The following SPATA1 variants were observed in gnomAD, a reference collection of about 807,000 sequenced individuals.
The protein encoded by SPATA1 is spermatogenesis-associated protein 1.
A neutral mutation model predicts 59.6 loss-of-function variants in SPATA1; 57 were observed. The observed-to-expected ratio is 0.96, with a 90% CI of 0.77 to 1.19. The LOEUF (loss-of-function observed/expected upper bound fraction) is 1.19. Among genes scored for constraint, SPATA1 ranks in the 50% most tolerant of loss-of-function variants. SPATA1 has a pLI of 0.00. For missense variants in SPATA1, 448 were observed against 480.7 expected (o/e 0.93, Z 0.64); for synonymous variants, 147 against 163.9 (o/e 0.90, Z 0.79).
At chr1:84,525,251 G>C (rs1683169887) in intron 4 of SPATA1, among the ~76,000 whole-genome samples, 1 of 152,214 alleles carries the variant, frequency 6.6e-6, no homozygotes, top group Non-Finnish European at 1.5e-5. Context: ...ACAGGCGTGA[G>C]TCACCACGCC....
At chr1:84,522,006 T>G (rs1004382614) in intron 3 of SPATA1, among the ~76,000 whole-genome samples, 10 of 152,332 alleles carry the variant, frequency 6.6e-5, no homozygotes, top group Admixed American at 2.6e-4. Flanking sequence ...CACTAGCTAC[T>G]CCTGCCAAAC....
chr1:84,548,977 G>T lies in SPATA1; in HGVS notation c.1125+13G>T. On this transcript the variant is annotated intron_variant, in intron 11 of 12. Transcript: ENST00000490879. Reference sequence around the variant, plus strand: ...CACAGACTCCAAGGTATTACTAAATGTATCCCCCTTCCGTTAGAGAAGTTC... The same window carrying T: ...CACAGACTCCAAGGTATTACTAAATTTATCCCCCTTCCGTTAGAGAAGTTC... 6.5e-7 allele frequency: 1 copy of T among 1,542,734 alleles called. No homozygotes were observed. Among genetic ancestry groups the T allele is most frequent in the African/African-American group, 1.4e-5 (1 of 70,958 alleles).
downstream of SPATA1, among the ~76,000 whole-genome samples, chr1:84,556,636 C>CA (rs1684438445): frequency 6.8e-6 from 1 of 146,420 alleles, no homozygotes; most frequent in Non-Finnish European, 1.5e-5. Flanking sequence ...TGCTTGAACC[C>CA]AGGAGACGGA....
chr1:84,548,993 A>G, intron 11 of SPATA1, 29 bp downstream of exon 11: 1 of 1,513,360 alleles, frequency 6.6e-7, no homozygotes. Context: ...CCCTTCCGTT[A>G]GAGAAGTTCT....
At chr1:84,545,603 C>T in intron 9 of SPATA1, 31 bp from the exon 10 acceptor site, 1 of 1,483,240 alleles carries the variant, frequency 6.7e-7, no homozygotes, top group African/African-American at 1.5e-5. Flanking sequence ...AGCTTTGAGA[C>T]ATTGATGAAT....
chr1:84,565,839 AC>A, intron 4 of SPATA1, 21 bp from the exon 14 acceptor site: 1 of 1,497,566 alleles, frequency 6.7e-7, no homozygotes, highest in South Asian at 1.4e-5. Context: ...TTAGAGTCTT[AC>A]CAGTTAATGT....
exon 13 of SPATA1, chr1:84,554,290 A>T (rs1684361635): frequency 6.6e-6 from 1 of 152,224 alleles, no homozygotes; most frequent in Admixed American, 6.5e-5. Flanking sequence ...TAAAAATTTT[A>T]CAAATGAGCC....
intron 8 of SPATA1, among the ~76,000 whole-genome samples, chr1:84,538,444 A>G (rs932743360): frequency 1.3e-5 from 2 of 152,192 alleles, no homozygotes; most frequent in Non-Finnish European, 2.9e-5. Flanking sequence ...AACAGGAAAT[A>G]CCAAATAATC....
exon 13 of SPATA1, chr1:84,553,628 T>A (rs1178957906): frequency 2.0e-5 from 3 of 152,342 alleles, no homozygotes; most frequent in Non-Finnish European, 2.9e-5. Context: ...TTAAATTTTT[T>A]AATTCATTTA....
chr1:84,530,175 T>C (rs1683413580), intron 6 of SPATA1, among the ~76,000 whole-genome samples: 1 of 152,116 alleles, frequency 6.6e-6, no homozygotes, highest in Non-Finnish European at 1.5e-5. Context: ...CCACCGCGCC[T>C]GGCCGAGCCT....
intron 12 of SPATA1, chr1:84,552,424 G>A (rs1684302240): frequency 6.6e-6 from 1 of 152,074 alleles, no homozygotes; most frequent in Non-Finnish European, 1.5e-5. Context: ...GTACCAGGTG[G>A]TTTGAATTTG....
In SPATA1 at chr1:84,525,759, G is replaced by A. The variant is rs967025253; in HGVS notation, c.315+10G>A. 4 of 1,605,220 alleles carry A rather than the reference G, an allele frequency of 2.5e-6. No homozygotes were observed. The highest frequency in any genetic ancestry group is 3.4e-6 in the Non-Finnish European group (4 of 1,177,922). On this transcript the variant is annotated intron_variant, in intron 5 of 12. Transcript: ENST00000490879. ...ATTTGCTCCTCCATATGTATGTAAT[G>A]TGACATTTTAAACTTATGCTAATTT...
At chr1:84,535,958 G>C (rs565521016) in intron 8 of SPATA1, among the ~76,000 whole-genome samples, 4 of 152,256 alleles carry the variant, frequency 2.6e-5, no homozygotes, top group Admixed American at 2.0e-4. Flanking sequence ...ACCAGACCTA[G>C]AACCTGCTCC....
downstream of SPATA1, chr1:84,554,899 A>T: frequency 1.1e-6 from 1 of 872,804 alleles, no homozygotes; most frequent in Non-Finnish European, 1.8e-6. Flanking sequence ...TTTTTAGTAT[A>T]CGGATAACAA....
At chr1:84,512,553 A>G (rs953153712) in intron 1 of SPATA1, among the ~76,000 whole-genome samples, 3 of 152,262 alleles carry the variant, frequency 2.0e-5, no homozygotes, top group Non-Finnish European at 4.4e-5. Flanking sequence ...CCTTATTTCT[A>G]GACACAGAAT....
At chr1:84,550,442 T>A in exon 12 of SPATA1, 1 of 1,535,348 alleles carries the variant, frequency 6.5e-7, no homozygotes, top group Non-Finnish European at 8.8e-7. Context: ...AATTACCTAA[T>A]AATCCAGATC....
chr1:84,532,495 CAA>C (rs113004820), intron 6 of SPATA1, among the ~76,000 whole-genome samples: 2 of 146,000 alleles, frequency 1.4e-5, no homozygotes, highest in African/African-American at 5.0e-5. Context: ...GTCTCTATCT[CAA>C]AAAAAAAAAA....
At position 84,564,401 on chromosome 1, in the gene SPATA1, C is replaced by A. The variant is rs918110005; in HGVS notation, n.443-1460C>A. ...TGCAAAACATGTTTTTCCACCAAGA[C>A]ATATTCACAGATTACCTAGAATGTT... On this transcript the variant is annotated intron_variant and non_coding_transcript_variant, in intron 4 of 4. Transcript: ENST00000460286. 1.1e-4 allele frequency among the ~76,000 whole-genome samples: 16 copies of A among 152,288 alleles called. No individual in the cohort carries two copies. In the Middle Eastern group the frequency reaches 0.01, roughly 97 times the overall value.
At chr1:84,524,607 CT>C (rs1456201750) in intron 4 of SPATA1, among the ~76,000 whole-genome samples, 3 of 152,144 alleles carry the variant, frequency 2.0e-5, no homozygotes, top group Non-Finnish European at 4.4e-5. Context: ...AAAAATCTTC[CT>C]TTGGTTCTCA....
Sources: gnomAD v4.1 joint callset for allele counts (sites outside exome capture counted in the v4.1 genomes callset) on GRCh38, gnomAD v4.1.1 for gene constraint, MANE v1.5 for transcripts, NCBI Gene and HGNC (gene_info 2026-07-23, HGNC 2026-07-21) for gene names.